FSTL4: variants seen among roughly 807,000 people sequenced by gnomAD.
FSTL4 encodes the protein follistatin-related protein 4.
FSTL4 carries 28 observed loss-of-function variants against 78.2 expected under a neutral mutation model. That is an observed-to-expected ratio of 0.36 (90% CI 0.27 to 0.49). The LOEUF (loss-of-function observed/expected upper bound fraction) is 0.49. FSTL4 is among the 20% of genes least tolerant of loss of function. FSTL4 has a pLI of 0.98. For missense variants in FSTL4, 922 were observed against 1,084.9 expected (o/e 0.85, Z 2.11); for synonymous variants, 422 against 440.5 (o/e 0.96, Z 0.53).
At chr5:133,740,289 G>A in the FSTL4 span, among the ~76,000 whole-genome samples, 2 of 152,216 alleles carry the variant, frequency 1.3e-5, no homozygotes, top group East Asian at 3.9e-4. Flanking sequence ...TCTAAGAGTG[G>A]GGCAGGCATT....
chr5:133,330,112 G>T (rs189614685), intron 4 of FSTL4, among the ~76,000 whole-genome samples: 1 of 152,316 alleles, frequency 6.6e-6, no homozygotes, highest in East Asian at 1.9e-4. Flanking sequence ...TATTCTTAGG[G>T]TTCCACGTGT....
chr5:133,469,254 G>A (rs1757771024), intron 3 of FSTL4, among the ~76,000 whole-genome samples: 1 of 152,216 alleles, frequency 6.6e-6, no homozygotes, highest in Non-Finnish European at 1.5e-5. Context: ...TCTGTGTGCT[G>A]GGAGACCCAA....
chr5:133,607,378 T>C (rs1018662439), intron 1 of FSTL4, among the ~76,000 whole-genome samples: 1 of 152,208 alleles, frequency 6.6e-6, no homozygotes, highest in African/African-American at 2.4e-5. Flanking sequence ...AACACTTATA[T>C]AGCAATTACG....
intron 3 of FSTL4, among the ~76,000 whole-genome samples, chr5:133,537,970 G>A (rs1439232871): frequency 7.9e-5 from 12 of 152,008 alleles, no homozygotes; most frequent in Non-Finnish European, 1.2e-4. Flanking sequence ...AAAGCCCCAT[G>A]TGCCTTTAAT....
chr5:133,586,302 T>G (rs1398854140), intron 2 of FSTL4, among the ~76,000 whole-genome samples: 4 of 82,954 alleles, frequency 4.8e-5, no homozygotes, highest in East Asian at 9.1e-4. Context: ...CTGAAGGAAA[T>G]AGAGACACAA....
chr5:133,601,543 C>G (rs539782767), intron 2 of FSTL4, among the ~76,000 whole-genome samples: 2 of 152,276 alleles, frequency 1.3e-5, no homozygotes, highest in South Asian at 4.1e-4. Context: ...ACGCTCTGCA[C>G]GAGGCCCCTG....
intron 4 of FSTL4, among the ~76,000 whole-genome samples, chr5:133,384,144 G>A (rs948510434): frequency 1.3e-5 from 2 of 152,106 alleles, no homozygotes; most frequent in Admixed American, 6.5e-5. Context: ...ACCCTCCTGC[G>A]GAACCCCTGC....
chr5:133,322,637 G>A (rs753568849), intron 4 of FSTL4, among the ~76,000 whole-genome samples: 5 of 152,156 alleles, frequency 3.3e-5, no homozygotes, highest in Non-Finnish European at 7.4e-5. Flanking sequence ...CTTCACTGAG[G>A]TGGGAGGGAG....
the FSTL4 span, among the ~76,000 whole-genome samples, chr5:133,620,258 G>A: frequency 6.6e-6 from 1 of 152,128 alleles, no homozygotes; most frequent in East Asian, 1.9e-4. Flanking sequence ...GTTTATAAAT[G>A]GCAGGAGGGG....
chr5:133,786,227 TTGGGCCAGGCCTGTATCC>T, the FSTL4 span, among the ~76,000 whole-genome samples: 1 of 152,162 alleles, frequency 6.6e-6, no homozygotes, highest in Admixed American at 6.5e-5. Context: ...ACAGCCTCCC[TTGGGCCAGGCCTGTATCC>T]TGGACCATCC....
chr5:133,619,196 C>T, the FSTL4 span, among the ~76,000 whole-genome samples: 25 of 152,172 alleles, frequency 1.6e-4, no homozygotes, highest in African/African-American at 6.0e-4. Flanking sequence ...CCTCTTGATA[C>T]TTTCATTAAG....
At chr5:133,628,039 GAAAT>G in the FSTL4 span, among the ~76,000 whole-genome samples, 2 of 152,010 alleles carry the variant, frequency 1.3e-5, no homozygotes, top group African/African-American at 4.8e-5. Flanking sequence ...AATTAAGGCA[GAAAT>G]AAATAAGTTC....
the FSTL4 span, among the ~76,000 whole-genome samples, chr5:133,643,983 C>T: frequency 6.6e-6 from 1 of 152,192 alleles, no homozygotes; most frequent in Non-Finnish European, 1.5e-5. Flanking sequence ...CTTTCTAACA[C>T]TTCTAATACT....
At chr5:133,332,212 C>G (rs1245255475) in intron 4 of FSTL4, among the ~76,000 whole-genome samples, 2 of 152,220 alleles carry the variant, frequency 1.3e-5, no homozygotes, top group Non-Finnish European at 2.9e-5. Flanking sequence ...ACTGCTCACT[C>G]CCTGAACACC....
chr5:133,836,150 T>C, the FSTL4 span, among the ~76,000 whole-genome samples: 1 of 152,228 alleles, frequency 6.6e-6, no homozygotes, highest in Non-Finnish European at 1.5e-5. Context: ...CTTCATCCTG[T>C]AATTAGTCTA....
At chr5:133,342,745 G>A (rs1754609655) in intron 4 of FSTL4, among the ~76,000 whole-genome samples, 1 of 151,990 alleles carries the variant, frequency 6.6e-6, no homozygotes, top group African/African-American at 2.4e-5. Context: ...GAGAAAACTT[G>A]GGAAAAAGAA....
chr5:133,540,976 G>C (rs889309787), intron 3 of FSTL4, among the ~76,000 whole-genome samples: 1 of 151,892 alleles, frequency 6.6e-6, no homozygotes, highest in Non-Finnish European at 1.5e-5. Context: ...TCAGGACTCT[G>C]CCAGCCCGCT....
rs1366991401 is a variant in FSTL4 at position 133,198,539 on chromosome 5, C to T, written c.*556G>A. 2 of 152,642 alleles carry T rather than the reference C, an allele frequency of 1.3e-5. No homozygotes were observed. Among genetic ancestry groups the T allele is most frequent in the African/African-American group, 4.8e-5 (2 of 41,412 alleles). 9.5% of individuals were successfully genotyped at this position (152,642 alleles called of 1,614,324 possible). A position where few individuals can be genotyped will look rare whatever the true frequency, so the allele number is the denominator to read the frequency against. On this transcript the variant is annotated 3_prime_UTR_variant, in exon 16 of 16. Coordinates refer to ENST00000265342, the MANE Select transcript of FSTL4 (RefSeq NM_015082.2). ...AGTGATTTCCCCATCCCCCAAGATGCAGTAAGTCTTGTTGGCTCTCCCTCA... is the reference window on the plus strand; with the variant it reads ...AGTGATTTCCCCATCCCCCAAGATGTAGTAAGTCTTGTTGGCTCTCCCTCA...
chr5:133,340,803 A>C, intron 4 of FSTL4, among the ~76,000 whole-genome samples: 1 of 152,192 alleles, frequency 6.6e-6, no homozygotes, highest in East Asian at 1.9e-4. Flanking sequence ...AATAATTGGA[A>C]ATACACTAAT....
Sources: allele counts gnomAD v4.1 joint callset (sites outside exome capture counted in the v4.1 genomes callset), GRCh38; gene constraint gnomAD v4.1.1; transcripts MANE v1.5; gene names NCBI Gene and HGNC (gene_info 2026-07-23, HGNC 2026-07-21).